Variants in TPD52 observed in about 807,000 individuals in gnomAD.
TPD52 encodes the protein prostate and colon associated protein.
In TPD52, 17 loss-of-function variants were observed where a neutral mutation model predicts 31.3. The observed-to-expected ratio is 0.54, with a 90% CI of 0.37 to 0.82. The LOEUF is 0.82. Ranked by LOEUF, TPD52 falls within the 40% of genes least tolerant of loss-of-function variation. The pLI, the probability that TPD52 is intolerant of heterozygous loss-of-function variation, is 0.00. For missense variants in TPD52, 212 were observed against 240.1 expected (o/e 0.88, Z 0.77); for synonymous variants, 83 against 89.6 (o/e 0.93, Z 0.42).
chr8:80,066,109 G>A (rs1331625374), intron 1 of TPD52, among the ~76,000 whole-genome samples: 1 of 152,098 alleles, frequency 6.6e-6, no homozygotes, highest in Non-Finnish European at 1.5e-5. Flanking sequence ...AATGCAAGGC[G>A]CCAGGGAGCA....
rs548867725 is a variant in TPD52, at chr8:80,035,202, G to T, written c.*2914C>A. On this transcript the variant is annotated 3_prime_UTR_variant, in exon 8 of 8. Coordinates refer to ENST00000518937, the MANE Select transcript of TPD52 (RefSeq NM_001025253.3). ...TTTAAGAGCTATAAATAAAACACATGGCCGGGTGCATGCCTATAGTCCTAG... is the reference window on the plus strand; with the variant it reads ...TTTAAGAGCTATAAATAAAACACATTGCCGGGTGCATGCCTATAGTCCTAG... 6.6e-6 allele frequency: 1 copy of T among 152,308 alleles called. No homozygotes were observed. Among genetic ancestry groups the T allele is most frequent in the South Asian group, 2.1e-4 (1 of 4,830 alleles). The allele number at this position is 152,308 out of a possible 1,614,324, so 9.4% of individuals were successfully genotyped here.
intron 1 of TPD52, among the ~76,000 whole-genome samples, chr8:80,154,104 T>C (rs1233801100): frequency 6.6e-6 from 1 of 152,178 alleles, no homozygotes; most frequent in Non-Finnish European, 1.5e-5. Context: ...CTGCACAAAA[T>C]AAGGTTATGA....
At chr8:80,129,230 T>A (rs941715895) in intron 1 of TPD52, among the ~76,000 whole-genome samples, 4 of 152,164 alleles carry the variant, frequency 2.6e-5, no homozygotes, top group African/African-American at 4.8e-5. Context: ...TTAAAATTTT[T>A]AAAAAATAAT....
chr8:80,088,674 G>C (rs1348229136), intron 1 of TPD52, among the ~76,000 whole-genome samples: 1 of 152,160 alleles, frequency 6.6e-6, no homozygotes, highest in Non-Finnish European at 1.5e-5. Flanking sequence ...CCAGCTTCAT[G>C]TGTTGAAGCC....
intron 1 of TPD52, chr8:80,119,846 T>C: frequency 4.8e-6 from 2 of 420,138 alleles, no homozygotes; most frequent in Admixed American, 3.0e-5. Context: ...GATAAATCTT[T>C]CCCTAATTCA....
chr8:80,076,183 C>G (rs184845664), intron 1 of TPD52, among the ~76,000 whole-genome samples: 40 of 152,324 alleles, frequency 2.6e-4, no homozygotes, highest in African/African-American at 9.4e-4. Context: ...ATAAACCATT[C>G]TATCACAAAG....
At chr8:80,113,325 CTGTT>C (rs1563635653) in intron 1 of TPD52, among the ~76,000 whole-genome samples, 1 of 150,464 alleles carries the variant, frequency 6.6e-6, no homozygotes, top group Non-Finnish European at 1.5e-5. Context: ...TTCATATACA[CTGTT>C]TGTGAGACTG....
intron 5 of TPD52, among the ~76,000 whole-genome samples, chr8:80,049,496 GGTAA>G (rs1811164095): frequency 1.3e-5 from 2 of 152,156 alleles, no homozygotes; most frequent in Admixed American, 1.3e-4. Context: ...GACTTCCAGG[GGTAA>G]GTGTCACCAA....
At chr8:80,046,248 C>T (rs1810836621) in intron 5 of TPD52, among the ~76,000 whole-genome samples, 1 of 152,196 alleles carries the variant, frequency 6.6e-6, no homozygotes, top group Non-Finnish European at 1.5e-5. Flanking sequence ...CATTATATCA[C>T]ACTTGAAGAT....
chr8:80,160,889 C>CAAAAAAAAAAAAAAAAAAAAA (rs58923055), intron 1 of TPD52, among the ~76,000 whole-genome samples: 1 of 95,096 alleles, frequency 1.1e-5, no homozygotes, highest in African/African-American at 4.3e-5. Context: ...ACTAAAAATA[C>CAAAAAAAAAAAAAAAAAAAAA]AAAAAAAAAA....
chr8:80,088,427 G>C (rs1258792417), intron 1 of TPD52, among the ~76,000 whole-genome samples: 2 of 152,190 alleles, frequency 1.3e-5, no homozygotes, highest in African/African-American at 4.8e-5. Context: ...CCAATTTCCA[G>C]AGGAGTGAGC....
At chr8:80,105,939 C>T (rs958883993) in intron 1 of TPD52, among the ~76,000 whole-genome samples, 3 of 151,988 alleles carry the variant, frequency 2.0e-5, no homozygotes, top group Admixed American at 1.3e-4. Flanking sequence ...GCCATGTACC[C>T]TTATGTCTTG....
chr8:80,144,514 T>C (rs1325318321), intron 1 of TPD52, among the ~76,000 whole-genome samples: 1 of 152,190 alleles, frequency 6.6e-6, no homozygotes, highest in Non-Finnish European at 1.5e-5. Context: ...CACCTGCCTC[T>C]CCATAGCAAC....
chr8:80,095,245 A>C lies in TPD52; in HGVS notation c.20-30652T>G, dbSNP rs73691172. ...AAACACAAAGAAACTTTAAATGCATATTATTGACAAAAGCCAATCTGAAAA... is the reference window on the plus strand; with the variant it reads ...AAACACAAAGAAACTTTAAATGCATCTTATTGACAAAAGCCAATCTGAAAA... On this transcript the variant is annotated intron_variant, in intron 1 of 7. Coordinates refer to ENST00000518937, the MANE Select transcript of TPD52 (RefSeq NM_001025253.3). Among the ~76,000 whole-genome samples, 714 of 152,326 alleles carry C rather than the reference A, an allele frequency of 4.7e-3. 8 individuals carry two copies. The highest frequency in any genetic ancestry group is 0.016 in the African/African-American group (672 of 41,554).
intron 6 of TPD52, chr8:80,042,915 G>A: frequency 2.7e-6 from 1 of 363,802 alleles, no homozygotes; most frequent in Non-Finnish European, 5.0e-6. Flanking sequence ...AAGTAATATA[G>A]ATATGGTCAA....
intron 5 of TPD52, among the ~76,000 whole-genome samples, chr8:80,049,130 A>G (rs1042110708): frequency 6.6e-6 from 1 of 152,236 alleles, no homozygotes; most frequent in Non-Finnish European, 1.5e-5. Context: ...TTTATATCTT[A>G]CACTGATGTT....
rs1395903958 is a variant in TPD52 at position 80,171,520 on chromosome 8, C to G, written c.-77G>C. ...TCCCGGCTCGGATCGCCCGCCGCGC[C>G]GCGCAGAGCTCCTCCTCGCCTCCGC... On this transcript the variant is annotated 5_prime_UTR_variant, in exon 1 of 8. Transcript: ENST00000518937. The G allele has an allele frequency of 1.4e-6, 2 of 1,480,322 alleles. No individual in the cohort carries two copies. The highest frequency in any genetic ancestry group is 1.3e-5 in the South Asian group (1 of 75,314). 91.7% of individuals were successfully genotyped at this position (1,480,322 alleles called of 1,614,324 possible).
intron 5 of TPD52, among the ~76,000 whole-genome samples, chr8:80,048,425 A>T (rs1811078300): frequency 6.6e-6 from 1 of 152,218 alleles, no homozygotes; most frequent in African/African-American, 2.4e-5. Flanking sequence ...TTTGCCAGGT[A>T]AAATGGACCT....
At position 80,088,400 on chromosome 8, in the gene TPD52, G is replaced by A. The variant is rs903074933; in HGVS notation, c.20-23807C>T. Among the ~76,000 whole-genome samples, 3 of 152,192 alleles carry A rather than the reference G, an allele frequency of 2.0e-5. No homozygotes were observed. The South Asian group carries it at 6.2e-4, about 32-fold the overall frequency. On this transcript the variant is annotated intron_variant, in intron 1 of 7. Coordinates refer to ENST00000518937, the MANE Select transcript of TPD52 (RefSeq NM_001025253.3). ...TTTATTTAATCCCTCAATAACACGA[G>A]GTTAGTCATGTTATCTCCAATTTCC...
Sources: gnomAD v4.1 joint callset for allele counts (sites outside exome capture counted in the v4.1 genomes callset) on GRCh38, gnomAD v4.1.1 for gene constraint, MANE v1.5 for transcripts, NCBI Gene and HGNC (gene_info 2026-07-23, HGNC 2026-07-21) for gene names.